Variants in AGAP4 observed in about 807,000 individuals in gnomAD.
AGAP4 encodes ArfGAP with GTPase domain, ankyrin repeat and PH domain 4, also known as arf-GAP with GTPase, ANK repeat and PH domain-containing protein 4.
A neutral mutation model predicts 60.7 loss-of-function variants in AGAP4; 13 were observed. The ratio of observed to expected loss-of-function variants is 0.21; its 90% CI spans 0.14 to 0.34. AGAP4 has a LOEUF of 0.34. Among genes scored for constraint, AGAP4 ranks in the 10% least tolerant of loss-of-function variants. The pLI is 1.00. For missense variants in AGAP4, 169 were observed against 884.0 expected (o/e 0.19, Z 10.26); for synonymous variants, 70 against 339.0 (o/e 0.21, Z 8.72).
At chr10:45,838,788 C>G (rs2058868781) in intron 4 of AGAP4, among the ~76,000 whole-genome samples, 1 of 151,722 alleles carries the variant, frequency 6.6e-6, no homozygotes, top group African/African-American at 2.4e-5. Context: ...GTTGACCAGG[C>G]TAAAAATGAA....
upstream of AGAP4, among the ~76,000 whole-genome samples, chr10:45,849,940 T>A (rs1450830267): frequency 0.011 from 1,595 of 151,122 alleles, 11 homozygotes; most frequent in Non-Finnish European, 0.017. Flanking sequence ...ATTTTTTTTT[T>A]ATTTTTTTTG....
chr10:45,841,803 A>C, intron 3 of AGAP4, 116 bp from the exon 4 acceptor site: 2 of 1,200,580 alleles, frequency 1.7e-6, no homozygotes, highest in Non-Finnish European at 2.2e-6. Flanking sequence ...TCCATTAAAA[A>C]AAAAATTTTC....
intron 4 of AGAP4, among the ~76,000 whole-genome samples, chr10:45,834,674 CAAAAAAAAAAAAAA>C (rs1174820110): frequency 2.0e-4 from 3 of 15,244 alleles, no homozygotes; most frequent in Non-Finnish European, 2.7e-4. Flanking sequence ...GACTCCGCCT[CAAAAAAAAAAAAAA>C]AAAAAAAAAA....
At chr10:45,842,002 A>AT (rs1269278510) in intron 3 of AGAP4, among the ~76,000 whole-genome samples, 1 of 146,606 alleles carries the variant, frequency 6.8e-6, no homozygotes, top group African/African-American at 2.5e-5. Flanking sequence ...ACTGTTGCAT[A>AT]TATGAGCCAT....
At chr10:45,844,033 TATAA>T (rs2058961840) in intron 3 of AGAP4, among the ~76,000 whole-genome samples, 1 of 150,360 alleles carries the variant, frequency 6.7e-6, no homozygotes, top group African/African-American at 2.5e-5. Flanking sequence ...ATCCATTAAT[TATAA>T]ATAAAGATAA....
intron 3 of AGAP4, 104 bp downstream of exon 3, chr10:45,844,222 A>C (rs1229314158): frequency 2.5e-6 from 3 of 1,201,198 alleles, no homozygotes; most frequent in Non-Finnish European, 3.5e-6. Flanking sequence ...ATGTGAAAAG[A>C]TGAAAATTTT....
intron 6 of AGAP4, among the ~76,000 whole-genome samples, chr10:45,829,903 T>C (rs1355750984): frequency 3.3e-5 from 5 of 149,606 alleles, no homozygotes; most frequent in Admixed American, 6.7e-5. Flanking sequence ...TTTGACACAA[T>C]AAAACATAAA....
intron 5 of AGAP4, among the ~76,000 whole-genome samples, chr10:45,831,677 A>G (rs1388116325): frequency 8.3e-6 from 1 of 120,910 alleles, no homozygotes; most frequent in Non-Finnish European, 1.8e-5. Context: ...ATAAATAATA[A>G]CAGATTTCCT....
At chr10:45,852,217 T>TAAA (rs781889843), upstream of AGAP4, among the ~76,000 whole-genome samples, 138 of 91,704 alleles carry the variant, frequency 1.5e-3, 8 homozygotes, top group African/African-American at 7.0e-3. Context: ...GGCCAGACTT[T>TAAA]AAAAAAAAAA....
upstream of AGAP4, among the ~76,000 whole-genome samples, chr10:45,849,380 A>T (rs1360151545): frequency 6.6e-6 from 1 of 151,582 alleles, no homozygotes; most frequent in Non-Finnish European, 1.5e-5. Flanking sequence ...ATTCATGATG[A>T]GATTTGGGTG....
intron 2 of AGAP4, among the ~76,000 whole-genome samples, chr10:45,845,966 AG>A (rs2058991978): frequency 9.6e-6 from 1 of 103,642 alleles, no homozygotes; most frequent in Non-Finnish European, 2.0e-5. Context: ...GAAGGGACAA[AG>A]GGGGAGCCAT....
chr10:45,849,913 C>A (rs1403334796), upstream of AGAP4, among the ~76,000 whole-genome samples: 74 of 150,822 alleles, frequency 4.9e-4, no homozygotes, highest in Non-Finnish European at 9.3e-4. Flanking sequence ...CAGCCAGATT[C>A]GTATATTTTT....
In AGAP4 at chr10:45,831,409, T is replaced by C. The variant is rs1254626151; in HGVS notation, c.518A>G (p.His173Arg). ...AAAAGCTCACCTTTGTGTGATATGA[T>C]GAGGTATCTCCAAGGTCACACTGTG... ...TIISVTLEIPHHITQRDADRS... is the reference protein window; with the variant it reads ...TIISVTLEIPRHITQRDADRS... Residue 173 changes from histidine (H) to arginine (R), a missense_variant, in exon 6 of 8, where the codon CAT becomes CGT. Transcript: ENST00000616763. 9 of 1,586,924 alleles carry C rather than the reference T, an allele frequency of 5.7e-6. 1 individual carries two copies. Among genetic ancestry groups the C allele is most frequent in the African/African-American group, 2.7e-5 (2 of 73,644 alleles).
At chr10:45,834,777 T>A (rs546489403) in intron 4 of AGAP4, among the ~76,000 whole-genome samples, 8,071 of 140,188 alleles carry the variant, frequency 0.058, 358 homozygotes, top group Non-Finnish European at 0.078. Flanking sequence ...TTAATTAATT[T>A]ATTTATTTAT....
intron 4 of AGAP4, among the ~76,000 whole-genome samples, chr10:45,838,821 T>C (rs879985639): frequency 1.3e-5 from 2 of 151,054 alleles, no homozygotes; most frequent in Non-Finnish European, 3.0e-5. Flanking sequence ...AACTTAAATA[T>C]TTCTAACACT....
chr10:45,829,870 T>A (rs1554896864), intron 6 of AGAP4, among the ~76,000 whole-genome samples: 1 of 150,342 alleles, frequency 6.7e-6, no homozygotes, highest in African/African-American at 2.4e-5. Flanking sequence ...AAAGAAAGAT[T>A]GGTGGTTAAA....
rs1397541626 is a variant in AGAP4 at position 45,843,172 on chromosome 10, C to G, written c.361+1154G>C. 5.9e-3 allele frequency among the ~76,000 whole-genome samples: 675 copies of G among 114,906 alleles called. 2 individuals carry two copies. The highest frequency in any genetic ancestry group is 0.026 in the African/African-American group (634 of 24,442). 75.4% of individuals were successfully genotyped at this position (114,906 alleles called of 152,430 possible). On this transcript the variant is annotated intron_variant, in intron 3 of 7. Transcript: ENST00000616763. Reference sequence around the variant, plus strand: ...ATTAGCCAGGTGTTATGGTGCCCACCTATAGTCCCAACTACTCGGGAGGCT... The same window carrying G: ...ATTAGCCAGGTGTTATGGTGCCCACGTATAGTCCCAACTACTCGGGAGGCT...
upstream of AGAP4, among the ~76,000 whole-genome samples, chr10:45,850,963 G>A (rs1205053082): frequency 8.4e-4 from 128 of 152,044 alleles, no homozygotes; most frequent in Non-Finnish European, 1.3e-3. Flanking sequence ...GCCATTAAGC[G>A]TAACTGGGGA....
At chr10:45,849,654 T>G (rs2059058266), upstream of AGAP4, among the ~76,000 whole-genome samples, 1 of 151,448 alleles carries the variant, frequency 6.6e-6, no homozygotes, top group African/African-American at 2.4e-5. Flanking sequence ...TTTTTTTTTT[T>G]TTTGAGACGG....
Sources: allele counts gnomAD v4.1 joint callset (sites outside exome capture counted in the v4.1 genomes callset), GRCh38; gene constraint gnomAD v4.1.1; transcripts MANE v1.5; gene names NCBI Gene and HGNC (gene_info 2026-07-23, HGNC 2026-07-21).